MYRIP: variants seen among roughly 807,000 people sequenced by gnomAD.
The protein encoded by MYRIP is rab effector MyRIP.
MYRIP carries 49 observed loss-of-function variants against 98.0 expected under a neutral mutation model. That is an observed-to-expected ratio of 0.50 (90% CI 0.40 to 0.63). The LOEUF (loss-of-function observed/expected upper bound fraction) is 0.63. Among genes scored for constraint, MYRIP ranks in the 30% least tolerant of loss-of-function variants. The pLI, the probability that MYRIP is intolerant of heterozygous loss-of-function variation, is 0.00. For missense variants in MYRIP, 1,004 were observed against 1,058.2 expected, an observed-to-expected ratio of 0.95 and a Z score of 0.71; for synonymous variants, 404 against 409.5, an observed-to-expected ratio of 0.99 and a Z score of 0.16.
intron 3 of MYRIP, among the ~76,000 whole-genome samples, chr3:40,107,565 T>C (rs568316706): frequency 3.8e-4 from 58 of 151,994 alleles, no homozygotes; most frequent in African/African-American, 1.4e-3. Flanking sequence ...GGAGTAGGAG[T>C]TGGCCTGGCT....
At chr3:39,913,698 C>G (rs1158433976) in intron 2 of MYRIP, among the ~76,000 whole-genome samples, 1 of 152,188 alleles carries the variant, frequency 6.6e-6, no homozygotes, top group Non-Finnish European at 1.5e-5. Flanking sequence ...TTCATGAAAT[C>G]ATACAATGCC....
At chr3:40,021,015 T>C (rs1946980225) in intron 2 of MYRIP, among the ~76,000 whole-genome samples, 1 of 152,172 alleles carries the variant, frequency 6.6e-6, no homozygotes, top group Admixed American at 6.5e-5. Flanking sequence ...CCACAGATCT[T>C]GTAGGGATTA....
At chr3:40,013,249 C>T (rs4234128) in intron 2 of MYRIP, among the ~76,000 whole-genome samples, 78,159 of 152,028 alleles carry the variant, frequency 0.51, 21,270 homozygotes, top group East Asian at 0.67. Flanking sequence ...TTATTACTCT[C>T]GTGTCAATCC....
intron 1 of MYRIP, among the ~76,000 whole-genome samples, chr3:39,848,047 T>G (rs1444379700): frequency 6.6e-6 from 1 of 152,190 alleles, no homozygotes; most frequent in Admixed American, 6.5e-5. Context: ...AAAAGCTTCC[T>G]CCAACATGCT....
At chr3:39,834,446 T>C (rs1316675284) in intron 1 of MYRIP, among the ~76,000 whole-genome samples, 1 of 152,176 alleles carries the variant, frequency 6.6e-6, no homozygotes, top group Non-Finnish European at 1.5e-5. Context: ...TAAATAATGT[T>C]TCTAATATTG....
intron 2 of MYRIP, among the ~76,000 whole-genome samples, chr3:40,001,849 A>G (rs1946526118): frequency 6.6e-6 from 1 of 152,196 alleles, no homozygotes; most frequent in Admixed American, 6.5e-5. Flanking sequence ...AGGAACAGGC[A>G]GATTCAAAAG....
chr3:40,009,494 G>A (rs575575495), intron 2 of MYRIP, among the ~76,000 whole-genome samples: 75 of 152,128 alleles, frequency 4.9e-4, no homozygotes, highest in African/African-American at 1.7e-3. Context: ...CCTCGGCCTC[G>A]GCCTCCCAAA....
chr3:40,115,081 A>G (rs1005104687), intron 3 of MYRIP, among the ~76,000 whole-genome samples: 1 of 152,200 alleles, frequency 6.6e-6, no homozygotes, highest in Non-Finnish European at 1.5e-5. Context: ...TATCAATATC[A>G]GTATATCTGA....
chr3:40,153,330 A>G (rs975788620), intron 4 of MYRIP, among the ~76,000 whole-genome samples: 3 of 152,224 alleles, frequency 2.0e-5, no homozygotes, highest in African/African-American at 7.2e-5. Flanking sequence ...CAGGAAATTT[A>G]GTTAGACTTC....
chr3:39,840,580 G>A lies in MYRIP; in HGVS notation c.-31+30664G>A, dbSNP rs563734601. ...TTTTTTCATAGTGTTGATTTGATAT[G>A]CTTTTGCAGTGGCTGGTACCAGTTT... On this transcript the variant is annotated intron_variant, in intron 1 of 16. Coordinates refer to ENST00000302541, the MANE Select transcript of MYRIP (RefSeq NM_015460.4). 2.0e-5 allele frequency among the ~76,000 whole-genome samples: 3 copies of A among 151,906 alleles called. No homozygotes were observed. The South Asian group carries it at 6.2e-4, about 32-fold the overall frequency.
intron 8 of MYRIP, among the ~76,000 whole-genome samples, chr3:40,178,252 T>TA (rs35806305): frequency 0.016 from 2,394 of 152,318 alleles, 20 homozygotes; most frequent in Non-Finnish European, 0.021. Context: ...TTCCAAGGGA[T>TA]ATAAGTAGAA....
At chr3:40,039,765 G>A (rs564984870) in intron 2 of MYRIP, among the ~76,000 whole-genome samples, 2 of 151,908 alleles carry the variant, frequency 1.3e-5, no homozygotes, top group Non-Finnish European at 2.9e-5. Flanking sequence ...AGTTTCCTGA[G>A]GCTGCTGTAA....
intron 2 of MYRIP, among the ~76,000 whole-genome samples, chr3:40,000,796 A>G (rs1394550355): frequency 6.6e-6 from 1 of 152,204 alleles, no homozygotes; most frequent in Non-Finnish European, 1.5e-5. Flanking sequence ...GCCCACAGCC[A>G]CCAAGACTCT....
chr3:40,188,777 C>A (rs368350308), intron 9 of MYRIP, among the ~76,000 whole-genome samples: 2 of 149,572 alleles, frequency 1.3e-5, no homozygotes. Context: ...AACTCTGTCT[C>A]AAAAAAAAAA....
chr3:39,895,770 G>C (rs1328425790), intron 1 of MYRIP, among the ~76,000 whole-genome samples: 3 of 152,090 alleles, frequency 2.0e-5, no homozygotes, highest in Non-Finnish European at 4.4e-5. Flanking sequence ...CAAAAAGTCA[G>C]ACAGTTTTGA....
chr3:40,104,626 T>C (rs1442312457), intron 3 of MYRIP, among the ~76,000 whole-genome samples: 1 of 152,212 alleles, frequency 6.6e-6, no homozygotes, highest in Non-Finnish European at 1.5e-5. Context: ...GTCAACATTC[T>C]CATCATCATC....
At chr3:40,111,091 C>A (rs912585078) in intron 3 of MYRIP, among the ~76,000 whole-genome samples, 4 of 152,034 alleles carry the variant, frequency 2.6e-5, no homozygotes, top group African/African-American at 9.7e-5. Context: ...ACCCCAGGGT[C>A]CCCCCAGAAG....
chr3:39,878,239 G>T (rs1468776317), intron 1 of MYRIP, among the ~76,000 whole-genome samples: 1 of 152,178 alleles, frequency 6.6e-6, no homozygotes, highest in Non-Finnish European at 1.5e-5. Context: ...TTTTCCAGGT[G>T]CTGTCTGTCA....
At chr3:40,126,317 G>A (rs928165122) in intron 3 of MYRIP, among the ~76,000 whole-genome samples, 4 of 152,178 alleles carry the variant, frequency 2.6e-5, no homozygotes, top group African/African-American at 9.7e-5. Flanking sequence ...GCATATTCAC[G>A]TTTAAGAACT....
Sources: allele counts gnomAD v4.1 joint callset (sites outside exome capture counted in the v4.1 genomes callset), GRCh38; gene constraint gnomAD v4.1.1; transcripts MANE v1.5; gene names NCBI Gene and HGNC (gene_info 2026-07-23, HGNC 2026-07-21).